The following TBC1D2B variants were observed in gnomAD, a reference collection of about 807,000 sequenced individuals.
TBC1D2B encodes TBC1 domain family, member 2B.
In TBC1D2B, 64 loss-of-function variants were observed where a neutral mutation model predicts 100.8. The ratio of observed to expected loss-of-function variants is 0.64; its 90% confidence interval spans 0.52 to 0.78. The LOEUF (loss-of-function observed/expected upper bound fraction) is 0.78. Among genes scored for constraint, TBC1D2B ranks in the 30% least tolerant of loss-of-function variants. The probability of loss-of-function intolerance (pLI) is 0.00; values close to 1 mark genes in which losing one functional copy is unlikely to be tolerated. For missense variants in TBC1D2B, 1,052 were observed against 1,218.4 expected (o/e 0.86, Z 2.03); for synonymous variants, 480 against 479.7 (o/e 1.00, Z -0.01).
intron 10 of TBC1D2B, among the ~76,000 whole-genome samples, chr15:78,004,725 C>G (rs1023582670): frequency 1.3e-5 from 2 of 152,210 alleles, no homozygotes; most frequent in African/African-American, 4.8e-5. Flanking sequence ...TAGTACCAAC[C>G]TACTAAACCA....
At chr15:78,073,653 T>C (rs1249238805) in intron 1 of TBC1D2B, among the ~76,000 whole-genome samples, 1 of 152,264 alleles carries the variant, frequency 6.6e-6, no homozygotes, top group African/African-American at 2.4e-5. Context: ...AAGAAATAAC[T>C]GTACAATGAA....
intron 8 of TBC1D2B, among the ~76,000 whole-genome samples, chr15:78,013,593 A>G (rs1021072544): frequency 1.3e-5 from 2 of 152,348 alleles, no homozygotes; most frequent in Non-Finnish European, 1.5e-5. Flanking sequence ...TATGAAACGC[A>G]TGGAAGAAAA....
chr15:78,000,318 C>T (rs1391149053), intron 12 of TBC1D2B, among the ~76,000 whole-genome samples: 1 of 152,234 alleles, frequency 6.6e-6, no homozygotes, highest in Non-Finnish European at 1.5e-5. Context: ...GAGCCACGCC[C>T]ACTCACCTCC....
At chr15:78,054,989 A>G (rs1479986120) in intron 1 of TBC1D2B, among the ~76,000 whole-genome samples, 1 of 152,250 alleles carries the variant, frequency 6.6e-6, no homozygotes, top group Non-Finnish European at 1.5e-5. Flanking sequence ...TATACTATTT[A>G]GCAATAAAAA....
At chr15:78,043,955 TC>T (rs2073141282) in intron 3 of TBC1D2B, among the ~76,000 whole-genome samples, 1 of 151,124 alleles carries the variant, frequency 6.6e-6, no homozygotes, top group Non-Finnish European at 1.5e-5. Flanking sequence ...ATTGCTTCGT[TC>T]AAGGCTGCAG....
rs762396794 is a variant in TBC1D2B at position 77,998,126 on chromosome 15, T to A, written c.*34A>T. ...TTTCACCCTTTGGGCACACTTTGGTTGTGAAGGAAGGAAGAGCAGCATCCC... is the reference window on the plus strand; with the variant it reads ...TTTCACCCTTTGGGCACACTTTGGTAGTGAAGGAAGGAAGAGCAGCATCCC... On this transcript the variant is annotated 3_prime_UTR_variant, in exon 13 of 13. Coordinates refer to ENST00000300584, the MANE Select transcript of TBC1D2B (RefSeq NM_144572.2). 1.4e-6 allele frequency: 2 copies of A among 1,479,428 alleles called. No individual in the cohort carries two copies. Among genetic ancestry groups the A allele is most frequent in the Non-Finnish European group, 1.8e-6 (2 of 1,109,438 alleles). The allele number at this position is 1,479,428 out of a possible 1,614,324, so 91.6% of individuals were successfully genotyped here. A position where few individuals can be genotyped will look rare whatever the true frequency, so the allele number is the denominator to read the frequency against.
intron 8 of TBC1D2B, 86 bp downstream of exon 8, chr15:78,016,460 A>T: frequency 1.6e-6 from 2 of 1,283,640 alleles, no homozygotes; most frequent in African/African-American, 1.5e-5. Context: ...ACAGTTGTGT[A>T]CGGCTCTCTG....
chr15:78,023,528 C>T (rs1056822117), intron 6 of TBC1D2B, among the ~76,000 whole-genome samples: 3 of 152,196 alleles, frequency 2.0e-5, no homozygotes, highest in African/African-American at 7.2e-5. Context: ...GGTCACCACC[C>T]CAGGCATGAC....
intron 3 of TBC1D2B, among the ~76,000 whole-genome samples, chr15:78,037,542 C>G (rs1310333058): frequency 6.6e-6 from 1 of 151,536 alleles, no homozygotes; most frequent in Admixed American, 6.6e-5. Flanking sequence ...CCTGAAGAAC[C>G]TTAAACAGCT....
chr15:78,040,228 A>C (rs1412516138), intron 3 of TBC1D2B, among the ~76,000 whole-genome samples: 2 of 152,218 alleles, frequency 1.3e-5, no homozygotes, highest in Non-Finnish European at 2.9e-5. Flanking sequence ...TAGTTCCTTC[A>C]CCTGGTGTGA....
intron 7 of TBC1D2B, chr15:78,017,110 T>G: frequency 5.7e-6 from 1 of 175,952 alleles, no homozygotes; most frequent in Non-Finnish European, 1.2e-5. Context: ...TACCCATTCT[T>G]TCTTAGGACA....
chr15:77,996,882 T>C lies in TBC1D2B; in HGVS notation c.*1278A>G, dbSNP rs1324424712. 6.6e-6 allele frequency: 1 copy of C among 152,218 alleles called. No individual in the cohort carries two copies. Among genetic ancestry groups the C allele is most frequent in the East Asian group, 1.9e-4 (1 of 5,204 alleles). 9.4% of individuals were successfully genotyped at this position (152,218 alleles called of 1,614,324 possible). On this transcript the variant is annotated 3_prime_UTR_variant, in exon 13 of 13. Transcript: ENST00000300584. The stretch of plus-strand genomic sequence containing the variant: ...GAAAACATCCTCTCACATCTACGCA[T>C]CAGGGATGGTCTAGAGCGATTAAGC...
intron 1 of TBC1D2B, among the ~76,000 whole-genome samples, chr15:78,066,699 T>G (rs566670684): frequency 6.6e-6 from 1 of 152,370 alleles, no homozygotes; most frequent in East Asian, 1.9e-4. Context: ...AAGAGAGCTG[T>G]GTAAACAGTA....
At chr15:78,039,904 T>C (rs973583182) in intron 3 of TBC1D2B, among the ~76,000 whole-genome samples, 4 of 152,112 alleles carry the variant, frequency 2.6e-5, no homozygotes, top group African/African-American at 9.7e-5. Context: ...ATATCCACAA[T>C]GTGACCCCAC....
Position 78,017,849 on chromosome 15 carries a change from T to G in TBC1D2B, c.1579A>C (p.Lys527Gln). Reference protein sequence around the residue: ...AERRERDLMAKYSSLEAKLCQ... With the variant: ...AERRERDLMAQYSSLEAKLCQ... The stretch of plus-strand genomic sequence containing the variant: ...AGAATCCACCTATCCTGACCCACCT[T>G]TGCCATCAGATCCCTCTCTCTCCTT... The change falls in exon 7 of 13, where the codon AAG (lysine) becomes CAG (glutamine). Residue 527 changes from lysine (K) to glutamine (Q), a missense_variant and splice_region_variant. Transcript: ENST00000300584. The G allele has an allele frequency of 1.2e-6, 2 of 1,604,352 alleles. No homozygotes were observed. Among genetic ancestry groups the G allele is most frequent in the Non-Finnish European group, 1.7e-6 (2 of 1,173,602 alleles).
intron 9 of TBC1D2B, among the ~76,000 whole-genome samples, chr15:78,010,801 T>G (rs933739220): frequency 6.6e-6 from 1 of 152,160 alleles, no homozygotes; most frequent in African/African-American, 2.4e-5. Context: ...GCCATGAACA[T>G]GTACCAAATA....
chr15:78,005,115 A>G (rs930937191), intron 10 of TBC1D2B, among the ~76,000 whole-genome samples: 2 of 152,298 alleles, frequency 1.3e-5, no homozygotes, highest in East Asian at 1.9e-4. Flanking sequence ...ATCCTTGTAC[A>G]CATCTCTTCT....
At chr15:78,006,472 G>C (rs569551218) in intron 10 of TBC1D2B, among the ~76,000 whole-genome samples, 5 of 152,336 alleles carry the variant, frequency 3.3e-5, no homozygotes, top group African/African-American at 1.2e-4. Context: ...ACTGACATCT[G>C]AGAAACTGGG....
intron 3 of TBC1D2B, among the ~76,000 whole-genome samples, 157 bp downstream of exon 3, chr15:78,044,743 C>A (rs567171410): frequency 3.9e-4 from 59 of 152,314 alleles, no homozygotes; most frequent in African/African-American, 1.4e-3. Context: ...GCATGTAATA[C>A]AAGCTAAAAC....
Sources: allele counts gnomAD v4.1 joint callset (sites outside exome capture counted in the v4.1 genomes callset), GRCh38; gene constraint gnomAD v4.1.1; transcripts MANE v1.5; gene names NCBI Gene and HGNC (gene_info 2026-07-23, HGNC 2026-07-21).